Variants in NCOA1 observed in about 807,000 individuals in gnomAD.
NCOA1 encodes the protein Hin-2 protein.
A neutral mutation model predicts 150.9 loss-of-function variants in NCOA1; 35 were observed. The observed-to-expected ratio is 0.23, with a 90% CI of 0.18 to 0.31. The LOEUF is 0.31. Among genes scored for constraint, NCOA1 ranks in the 10% least tolerant of loss-of-function variants. The pLI is 1.00. For synonymous variants in NCOA1, 590 were observed against 630.0 expected, an observed-to-expected ratio of 0.94 and a Z score of 0.95; for missense variants, 1,491 against 1,749.3, an observed-to-expected ratio of 0.85 and a Z score of 2.63.
chr2:24,672,857 C>T (rs1427720684), intron 6 of NCOA1, among the ~76,000 whole-genome samples: 1 of 152,122 alleles, frequency 6.6e-6, no homozygotes, highest in Non-Finnish European at 1.5e-5. Context: ...CACAAAAGAA[C>T]TCCCAATTAC....
chr2:24,749,566 A>G (rs1368964413), intron 19 of NCOA1, among the ~76,000 whole-genome samples: 1 of 152,224 alleles, frequency 6.6e-6, no homozygotes, highest in Non-Finnish European at 1.5e-5. Flanking sequence ...GGGGGTATCA[A>G]GTAGAACACT....
At chr2:24,611,343 C>T (rs1668615927) in intron 3 of NCOA1, among the ~76,000 whole-genome samples, 1 of 152,138 alleles carries the variant, frequency 6.6e-6, no homozygotes, top group African/African-American at 2.4e-5. Context: ...TTTGTCTGAT[C>T]TACTGTTGGG....
At chr2:24,703,177 T>C (rs1377732613) in intron 11 of NCOA1, among the ~76,000 whole-genome samples, 2 of 152,210 alleles carry the variant, frequency 1.3e-5, no homozygotes, top group African/African-American at 4.8e-5. Flanking sequence ...GGGTGAATGT[T>C]AATTTGCATT....
At chr2:24,737,058 C>T (rs1663347795) in intron 17 of NCOA1, among the ~76,000 whole-genome samples, 1 of 152,164 alleles carries the variant, frequency 6.6e-6, no homozygotes, top group Non-Finnish European at 1.5e-5. Context: ...ATTTCCTTTT[C>T]TTCTACAACA....
intron 1 of NCOA1, among the ~76,000 whole-genome samples, chr2:24,539,035 G>A (rs942252887): frequency 6.6e-6 from 1 of 152,210 alleles, no homozygotes; most frequent in South Asian, 2.1e-4. Flanking sequence ...TTCTTAACGT[G>A]TAAAAGTTAG....
intron 4 of NCOA1, among the ~76,000 whole-genome samples, chr2:24,654,562 G>A (rs1046694078): frequency 6.6e-6 from 1 of 152,146 alleles, no homozygotes; most frequent in Non-Finnish European, 1.5e-5. Context: ...TCAGATACCG[G>A]ATTACTAAGA....
chr2:24,686,631 T>C (rs1386480867), intron 8 of NCOA1, among the ~76,000 whole-genome samples: 1 of 152,204 alleles, frequency 6.6e-6, no homozygotes, highest in African/African-American at 2.4e-5. Flanking sequence ...GTGATGCTGT[T>C]GTCTTTTTGC....
chr2:24,691,975 C>T (rs1404608877), intron 9 of NCOA1, among the ~76,000 whole-genome samples: 1 of 152,168 alleles, frequency 6.6e-6, no homozygotes. Context: ...GGAAATGTAC[C>T]AGATGCAGCA....
chr2:24,616,843 A>G (rs1015641493), intron 3 of NCOA1, among the ~76,000 whole-genome samples: 4 of 152,216 alleles, frequency 2.6e-5, no homozygotes, highest in Admixed American at 2.6e-4. Flanking sequence ...TTAATCCCTG[A>G]GGATTTAGCA....
chr2:24,712,512 A>G (rs557997404), intron 14 of NCOA1, among the ~76,000 whole-genome samples: 189 of 152,290 alleles, frequency 1.2e-3, no homozygotes, highest in Non-Finnish European at 8.1e-4. Context: ...CAAGCCTGGC[A>G]CTCAGCCCTC....
chr2:24,525,840 G>T (rs1572383247), intron 1 of NCOA1, among the ~76,000 whole-genome samples: 1 of 152,106 alleles, frequency 6.6e-6, no homozygotes, highest in Non-Finnish European at 1.5e-5. Flanking sequence ...GAGCCCCCGA[G>T]CCCGACCTTA....
At chr2:24,659,928 A>C (rs1671105135) in intron 5 of NCOA1, among the ~76,000 whole-genome samples, 1 of 152,130 alleles carries the variant, frequency 6.6e-6, no homozygotes, top group South Asian at 2.1e-4. Context: ...TGATCTAGAG[A>C]GTAAAGCTAC....
Position 24,707,635 on chromosome 2 carries a change from C to T in NCOA1, c.2165C>T (p.Thr722Ile). 6.2e-7 allele frequency: 1 copy of T among 1,614,194 alleles called. No homozygotes were observed. Among genetic ancestry groups the T allele is most frequent in the Non-Finnish European group, 8.5e-7 (1 of 1,180,042 alleles). Reference protein sequence around the residue: ...KDSASTSVSVTGQVQGNSSIK... With the variant: ...KDSASTSVSVIGQVQGNSSIK... The stretch of plus-strand genomic sequence containing the variant: ...AGTGCATCTACTTCTGTGTCAGTGA[C>T]TGGACAGGTACAAGGAAACTCCAGT... Residue 722 changes from threonine (T) to isoleucine (I), a missense_variant, in exon 13 of 23, where the codon ACT becomes ATT. Thr to Ile is a moderately conservative substitution (Grantham distance 89). This residue lies in a region of NCOA1 where 703 missense variants were observed against 717.7 expected (regional missense o/e 0.98). Transcript: ENST00000348332.
intron 14 of NCOA1, among the ~76,000 whole-genome samples, chr2:24,717,848 AT>A (rs1206717329): frequency 2.6e-5 from 4 of 151,870 alleles, no homozygotes; most frequent in Non-Finnish European, 5.9e-5. Context: ...TTTAAAAGAT[AT>A]TTCACAAAGG....
intron 2 of NCOA1, among the ~76,000 whole-genome samples, chr2:24,582,523 A>C (rs1667235759): frequency 1.3e-5 from 2 of 152,224 alleles, no homozygotes; most frequent in Admixed American, 1.3e-4. Context: ...CAAAATGACC[A>C]TACTACCCAA....
intron 1 of NCOA1, among the ~76,000 whole-genome samples, chr2:24,495,084 A>G (rs1663142380): frequency 6.9e-6 from 1 of 144,654 alleles, no homozygotes; most frequent in Non-Finnish European, 1.5e-5. Context: ...TCATAAGGAG[A>G]TGAAGGTGTT....
chr2:24,665,201 C>T (rs1185696208), intron 5 of NCOA1, among the ~76,000 whole-genome samples: 1 of 152,020 alleles, frequency 6.6e-6, no homozygotes, highest in Non-Finnish European at 1.5e-5. Flanking sequence ...ACTGTACCTT[C>T]GTCTCTAATT....
chr2:24,568,328 C>T (rs1666596826), intron 2 of NCOA1, among the ~76,000 whole-genome samples: 1 of 152,018 alleles, frequency 6.6e-6, no homozygotes, highest in Non-Finnish European at 1.5e-5. Context: ...TGAAATGGTA[C>T]CTTTTTAAAA....
At chr2:24,726,235 G>A (rs1205467685) in intron 14 of NCOA1, among the ~76,000 whole-genome samples, 2 of 151,992 alleles carry the variant, frequency 1.3e-5, no homozygotes, top group African/African-American at 4.8e-5. Flanking sequence ...ATGACACTGT[G>A]TTACTTATAG....
Sources: allele counts gnomAD v4.1 joint callset (sites outside exome capture counted in the v4.1 genomes callset), GRCh38; gene constraint gnomAD v4.1.1; regional missense constraint gnomAD v4.1.1; transcripts MANE v1.5; gene names NCBI Gene and HGNC (gene_info 2026-07-23, HGNC 2026-07-21).